The following STK24 variants were observed in gnomAD, a reference collection of about 807,000 sequenced individuals.
The protein encoded by STK24 is serine/threonine kinase 24, also known as serine/threonine-protein kinase 24.
In STK24, 21 loss-of-function variants were observed where a neutral mutation model predicts 55.6. The ratio of observed to expected loss-of-function variants is 0.38; its 90% CI spans 0.27 to 0.54. The LOEUF (loss-of-function observed/expected upper bound fraction) is 0.54, where lower values mean the gene tolerates loss of function less well. Among genes scored for constraint, STK24 ranks in the 20% least tolerant of loss-of-function variants. The pLI, the probability that STK24 is intolerant of heterozygous loss-of-function variation, is 0.79. For synonymous variants in STK24, 200 were observed against 215.2 expected, an observed-to-expected ratio of 0.93 and a Z score of 0.62; for missense variants, 383 against 538.4, an observed-to-expected ratio of 0.71 and a Z score of 2.86.
Position 98,576,887 on chromosome 13 carries a change from G to C in STK24, c.-101C>G. 3.8e-6 allele frequency: 3 copies of C among 798,482 alleles called. No homozygotes were observed. The highest frequency in any genetic ancestry group is 4.5e-6 in the Non-Finnish European group (3 of 662,008). The allele number at this position is 798,482 out of a possible 1,614,324, so 49.5% of individuals were successfully genotyped here. A position where few individuals can be genotyped will look rare whatever the true frequency, so the allele number is the denominator to read the frequency against. On this transcript the variant is annotated 5_prime_UTR_variant, in exon 1 of 11. Transcript: ENST00000539966. ...GCCGCGCGCAGCCCTCGGGCGGCGG[G>C]GCCGGCCGGAGCCCGAGGCCACCCC...
Position 98,519,291 on chromosome 13 carries a change from A to T in STK24, c.225T>A (p.Ser75Arg). The T allele has an allele frequency of 6.2e-7, 1 of 1,614,142 alleles. No individual in the cohort carries two copies. Among genetic ancestry groups the T allele is most frequent in the Non-Finnish European group, 8.5e-7 (1 of 1,180,010 alleles). Residue 75 changes from serine (S) to arginine (R), a missense_variant, in exon 2 of 11, where the codon AGT (serine) becomes AGA (arginine). Coordinates refer to ENST00000539966, the MANE Select transcript of STK24 (RefSeq NM_001032296.4). ...EDIQQEITVL[S>R]QCDSPYVTKY... ...TGGTTACATATGGACTGTCACACTG[A>T]CTCAGCACTGTGATTTCTTGTTGAA...
intron 1 of STK24, among the ~76,000 whole-genome samples, chr13:98,540,643 C>T (rs1369471944): frequency 6.6e-6 from 1 of 151,934 alleles, no homozygotes; most frequent in African/African-American, 2.4e-5. Flanking sequence ...AAACCAATGA[C>T]CAGTGCAGGC....
At chr13:98,526,900 C>G (rs1204836917) in intron 1 of STK24, among the ~76,000 whole-genome samples, 1 of 152,142 alleles carries the variant, frequency 6.6e-6, no homozygotes, top group Admixed American at 6.5e-5. Flanking sequence ...TGTCCACAGG[C>G]GCGTTTTCAT....
At chr13:98,456,564 C>A (rs751361553) in intron 10 of STK24, 2 of 501,444 alleles carry the variant, frequency 4.0e-6, no homozygotes, top group East Asian at 1.2e-4. Context: ...GATACTCCTA[C>A]AACAAGTTGG....
chr13:98,446,653 T>A lies in STK24; in HGVS notation c.*6520A>T. Reference sequence around the variant, plus strand: ...ACCCCGAAAAGCCACTTTGCTTTGTTTCCCCTTTCCAGGACAATCATCCCC... The same window carrying A: ...ACCCCGAAAAGCCACTTTGCTTTGTATCCCCTTTCCAGGACAATCATCCCC... On this transcript the variant is annotated 3_prime_UTR_variant, in exon 11 of 11. Coordinates refer to ENST00000539966, the MANE Select transcript of STK24 (RefSeq NM_001032296.4). 1 of 1,613,636 alleles carries A rather than the reference T, an allele frequency of 6.2e-7. No homozygotes were observed. The highest frequency in any genetic ancestry group is 8.5e-7 in the Non-Finnish European group (1 of 1,179,628).
At chr13:98,569,193 C>T (rs1479843730) in intron 1 of STK24, among the ~76,000 whole-genome samples, 2 of 152,080 alleles carry the variant, frequency 1.3e-5, no homozygotes, top group African/African-American at 4.8e-5. Flanking sequence ...TCTTCAACAG[C>T]AACACTGGAA....
chr13:98,575,681 A>T (rs1450150077), intron 1 of STK24, among the ~76,000 whole-genome samples: 2 of 152,172 alleles, frequency 1.3e-5, no homozygotes, highest in African/African-American at 2.4e-5. Context: ...TAAATCAACC[A>T]GTAATCTACT....
At chr13:98,566,600 A>G (rs1413517013) in intron 1 of STK24, among the ~76,000 whole-genome samples, 1 of 152,248 alleles carries the variant, frequency 6.6e-6, no homozygotes, top group Non-Finnish European at 1.5e-5. Flanking sequence ...AGAAAACTCA[A>G]TCAAAGCAGT....
intron 1 of STK24, chr13:98,542,982 T>A: frequency 1.0e-6 from 1 of 985,330 alleles, no homozygotes; most frequent in Non-Finnish European, 1.2e-6. Context: ...CCACTTCCTG[T>A]AGCAGAAAAC....
At chr13:98,510,749 G>A (rs191665973) in intron 2 of STK24, among the ~76,000 whole-genome samples, 12 of 152,304 alleles carry the variant, frequency 7.9e-5, no homozygotes, top group African/African-American at 2.6e-4. Context: ...TCGGGAATCT[G>A]GGAAGAAATG....
chr13:98,480,481 T>C (rs924854258), intron 3 of STK24, among the ~76,000 whole-genome samples: 2 of 152,218 alleles, frequency 1.3e-5, no homozygotes, highest in African/African-American at 4.8e-5. Flanking sequence ...TATGTGTACA[T>C]TTATGGAAAG....
At chr13:98,481,690 C>T (rs1894587441) in intron 3 of STK24, among the ~76,000 whole-genome samples, 1 of 152,116 alleles carries the variant, frequency 6.6e-6, no homozygotes, top group Non-Finnish European at 1.5e-5. Flanking sequence ...AGGCATGATC[C>T]TTCCTTGCTT....
intron 1 of STK24, among the ~76,000 whole-genome samples, chr13:98,535,672 G>A (rs1325020751): frequency 6.6e-6 from 1 of 152,182 alleles, no homozygotes; most frequent in Non-Finnish European, 1.5e-5. Flanking sequence ...AGAGAACACT[G>A]TCCTCATTAC....
At chr13:98,551,106 G>A (rs1897149462) in intron 1 of STK24, among the ~76,000 whole-genome samples, 1 of 152,042 alleles carries the variant, frequency 6.6e-6, no homozygotes, top group South Asian at 2.1e-4. Context: ...CTAACATGGT[G>A]AAACCCCGTC....
intron 9 of STK24, 72 bp from the exon 10 acceptor site, chr13:98,457,376 GAAC>G (rs1893509511): frequency 5.0e-6 from 8 of 1,606,478 alleles, no homozygotes; most frequent in African/African-American, 1.3e-5. Context: ...GCTGTTCAAG[GAAC>G]AACACGGCGT....
chr13:98,482,585 G>C (rs2274056), intron 2 of STK24, among the ~76,000 whole-genome samples: 82,355 of 152,096 alleles, frequency 0.54, 22,576 homozygotes, highest in Non-Finnish European at 0.58. Flanking sequence ...GCGTTCCACC[G>C]ACTGCCCCAG....
chr13:98,565,437 G>A (rs1312092418), intron 1 of STK24, among the ~76,000 whole-genome samples: 1 of 152,058 alleles, frequency 6.6e-6, no homozygotes, highest in Non-Finnish European at 1.5e-5. Flanking sequence ...AGACCAGCCT[G>A]GCCAACAGGG....
intron 3 of STK24, among the ~76,000 whole-genome samples, chr13:98,476,739 C>T (rs185583944): frequency 2.0e-5 from 3 of 152,300 alleles, no homozygotes; most frequent in African/African-American, 4.8e-5. Context: ...CCCTGCTTTC[C>T]GGCCCATGGG....
At chr13:98,479,459 C>A (rs1392307906) in intron 3 of STK24, among the ~76,000 whole-genome samples, 1 of 152,112 alleles carries the variant, frequency 6.6e-6, no homozygotes, top group Non-Finnish European at 1.5e-5. Flanking sequence ...ACCTGGAGAG[C>A]GGAAAAGGTG....
Sources: gnomAD v4.1 joint callset for allele counts (sites outside exome capture counted in the v4.1 genomes callset) on GRCh38, gnomAD v4.1.1 for gene constraint, MANE v1.5 for transcripts, NCBI Gene and HGNC (gene_info 2026-07-23, HGNC 2026-07-21) for gene names.